The following BTAF1 variants were observed in gnomAD, a reference collection of about 807,000 sequenced individuals.
The protein encoded by BTAF1 is B-TFIID TATA-box binding protein associated factor 1, also known as TATA-binding protein-associated factor 172.
BTAF1 carries 38 observed loss-of-function variants against 227.1 expected under a neutral mutation model. That is an observed-to-expected ratio of 0.17 (90% CI 0.13 to 0.22). The LOEUF (loss-of-function observed/expected upper bound fraction) is 0.22, where lower values mean the gene tolerates loss of function less well. Among genes scored for constraint, BTAF1 ranks in the 10% least tolerant of loss-of-function variants. The pLI is 1.00. For missense variants in BTAF1, 1,598 were observed against 2,204.0 expected (o/e 0.73, Z 5.51); for synonymous variants, 742 against 751.9 (o/e 0.99, Z 0.21).
intron 8 of BTAF1, among the ~76,000 whole-genome samples, chr10:91,957,587 T>A (rs1014041177): frequency 6.6e-6 from 1 of 152,210 alleles, no homozygotes; most frequent in Non-Finnish European, 1.5e-5. Context: ...CCTTTGGAAG[T>A]GGACAATTTT....
At chr10:91,933,175 G>A (rs1457163432) in intron 1 of BTAF1, among the ~76,000 whole-genome samples, 1 of 152,198 alleles carries the variant, frequency 6.6e-6, no homozygotes, top group Non-Finnish European at 1.5e-5. Context: ...AGGTAAAATT[G>A]TGGAAACCAA....
At chr10:91,977,052 G>A (rs1252907259) in intron 14 of BTAF1, among the ~76,000 whole-genome samples, 1 of 152,164 alleles carries the variant, frequency 6.6e-6, no homozygotes, top group East Asian at 1.9e-4. Flanking sequence ...GGGAAAATAA[G>A]GGTAAGAGTC....
chr10:91,960,071 C>T lies in BTAF1; in HGVS notation c.1180C>T (p.Leu394=), dbSNP rs1413735987. ...ETGVHKTVDV[L]LKLLTQEQWE... is the part of the protein sequence containing the mutation. Reference sequence around the variant, plus strand: ...AGGAGTTCATAAGACTGTGGATGTGCTGCTAAAATTACTTACACAAGAACA... The same window carrying T: ...AGGAGTTCATAAGACTGTGGATGTGTTGCTAAAATTACTTACACAAGAACA... Residue 394 remains leucine (L), a synonymous_variant, in exon 11 of 38, where the codon CTG becomes TTG. Coordinates refer to ENST00000265990, the MANE Select transcript of BTAF1 (RefSeq NM_003972.3). 1 of 1,613,780 alleles carries T rather than the reference C, an allele frequency of 6.2e-7. No homozygotes were observed. Among genetic ancestry groups the T allele is most frequent in the Non-Finnish European group, 8.5e-7 (1 of 1,179,852 alleles).
chr10:91,996,287 T>C, intron 23 of BTAF1, 82 bp from the exon 24 acceptor site: 1 of 1,255,798 alleles, frequency 8.0e-7, no homozygotes, highest in Non-Finnish European at 1.1e-6. Flanking sequence ...TATTGAAAAC[T>C]TTCCTGAGTA....
intron 25 of BTAF1, among the ~76,000 whole-genome samples, chr10:92,004,585 A>G (rs889269200): frequency 6.6e-6 from 1 of 152,110 alleles, no homozygotes; most frequent in Non-Finnish European, 1.5e-5. Flanking sequence ...TTTCCACCCC[A>G]GCCTCCCAAG....
rs1341989377 is a variant in BTAF1 at position 92,029,090 on chromosome 10, A to G, written c.*157A>G. 6 of 607,132 alleles carry G rather than the reference A, an allele frequency of 9.9e-6. No individual in the cohort carries two copies. The highest frequency in any genetic ancestry group is 1.3e-5 in the Non-Finnish European group (5 of 379,078). 37.6% of individuals were successfully genotyped at this position (607,132 alleles called of 1,614,324 possible). A position where few individuals can be genotyped will look rare whatever the true frequency, so the allele number is the denominator to read the frequency against. ...GGCTCTTGTTTCACTGGGGGAAACA[A>G]GTTATTCTCAAATATTTGCACTGTA... On this transcript the variant is annotated 3_prime_UTR_variant, in exon 38 of 38. Transcript: ENST00000265990.
intron 19 of BTAF1, among the ~76,000 whole-genome samples, chr10:91,987,575 T>G (rs1848492499): frequency 6.6e-6 from 1 of 152,158 alleles, no homozygotes; most frequent in South Asian, 2.1e-4. Flanking sequence ...AGGTCCTGAC[T>G]CATCTCTAGG....
intron 1 of BTAF1, 145 bp downstream of exon 1, chr10:91,924,235 T>A: frequency 8.5e-7 from 1 of 1,170,132 alleles, no homozygotes; most frequent in South Asian, 1.7e-5. Flanking sequence ...GTTCGCCCCG[T>A]GGTCGGCGGG....
chr10:91,936,824 A>T (rs1844644626), intron 2 of BTAF1, among the ~76,000 whole-genome samples: 1 of 152,184 alleles, frequency 6.6e-6, no homozygotes. Flanking sequence ...AACAGGCCTC[A>T]TCTGTGCTGA....
chr10:91,983,733 G>C (rs1453644906), intron 18 of BTAF1, among the ~76,000 whole-genome samples: 1 of 152,214 alleles, frequency 6.6e-6, no homozygotes, highest in East Asian at 1.9e-4. Flanking sequence ...CAACCAGAGA[G>C]AGTGGGAAGG....
intron 3 of BTAF1, 24 bp downstream of exon 3, chr10:91,940,090 T>A (rs755413331): frequency 6.7e-7 from 1 of 1,500,124 alleles, no homozygotes; most frequent in Non-Finnish European, 9.2e-7. Flanking sequence ...GAGAAAGTAG[T>A]TTTAAGTAAA....
At chr10:92,020,497 A>G (rs1851051254) in intron 34 of BTAF1, among the ~76,000 whole-genome samples, 1 of 152,216 alleles carries the variant, frequency 6.6e-6, no homozygotes. Context: ...ATTCTGGCCT[A>G]AAGCTCATTG....
At chr10:91,946,474 T>G (rs546285672) in intron 4 of BTAF1, among the ~76,000 whole-genome samples, 6 of 152,402 alleles carry the variant, frequency 3.9e-5, no homozygotes, top group African/African-American at 1.4e-4. Context: ...CTGGCTCATA[T>G]GGTAACTGTA....
chr10:92,022,169 C>T (rs833368), intron 34 of BTAF1, among the ~76,000 whole-genome samples: 90,177 of 152,056 alleles, frequency 0.59, 30,461 homozygotes, highest in East Asian at 0.77. Context: ...GAGATACTTA[C>T]GTCAAATGAT....
Position 91,957,674 on chromosome 10 carries a change from A to G in BTAF1, c.900+381A>G, listed in dbSNP as rs1057334484. ...TTAGAGAACATCTTGAACAGTTCCCAATGTGTAGAAGAGAAGAGTGAAGTT... is the reference window on the plus strand; with the variant it reads ...TTAGAGAACATCTTGAACAGTTCCCGATGTGTAGAAGAGAAGAGTGAAGTT... On this transcript the variant is annotated intron_variant, in intron 8 of 37. Coordinates refer to ENST00000265990, the MANE Select transcript of BTAF1 (RefSeq NM_003972.3). Among the ~76,000 whole-genome samples the G allele has an allele frequency of 3.3e-5, 5 of 152,184 alleles. No individual in the cohort carries two copies. In the East Asian group the frequency reaches 9.6e-4, roughly 29 times the overall value.
At chr10:92,003,061 C>T (rs1049595513) in intron 25 of BTAF1, among the ~76,000 whole-genome samples, 2 of 150,916 alleles carry the variant, frequency 1.3e-5, no homozygotes, top group Non-Finnish European at 2.9e-5. Context: ...GGAGGCTAGG[C>T]AGGAGAATCG....
chr10:91,959,981 G>A lies in BTAF1; in HGVS notation c.1090G>A (p.Val364Met), dbSNP rs1276764977. ...RFGDFVSDEVVAPVRETCAQT... is the reference protein window; with the variant it reads ...RFGDFVSDEVMAPVRETCAQT... Reference sequence around the variant, plus strand: ...TTTCTTCCTTTTTCGTCTGTAGGTTGTGGCACCAGTTCGTGAAACTTGTGC... The same window carrying A: ...TTTCTTCCTTTTTCGTCTGTAGGTTATGGCACCAGTTCGTGAAACTTGTGC... Residue 364 changes from valine (V) to methionine (M), a missense_variant, in exon 11 of 38, where the codon GTG becomes ATG. Val to Met is a conservative substitution (Grantham distance 21). Coordinates refer to ENST00000265990, the MANE Select transcript of BTAF1 (RefSeq NM_003972.3). 1 of 1,608,396 alleles carries A rather than the reference G, an allele frequency of 6.2e-7. No individual in the cohort carries two copies. The highest frequency in any genetic ancestry group is 8.5e-7 in the Non-Finnish European group (1 of 1,177,474).
At position 91,923,843 on chromosome 10, in the gene BTAF1, A is replaced by T. The variant is rs1490604802; in HGVS notation, c.-234A>T. On this transcript the variant is annotated 5_prime_UTR_variant, in exon 1 of 38. Coordinates refer to ENST00000265990, the MANE Select transcript of BTAF1 (RefSeq NM_003972.3). ...CCCGGTTTGAAGTCGTGCGGGTCGG[A>T]GGACTGCCGCCTCCGCTACCGTCTT... 4 of 451,806 alleles carry T rather than the reference A, an allele frequency of 8.9e-6. No homozygotes were observed. Among genetic ancestry groups the T allele is most frequent in the East Asian group, 7.2e-5 (2 of 27,850 alleles). 28.0% of individuals were successfully genotyped at this position (451,806 alleles called of 1,614,324 possible). A position where few individuals can be genotyped will look rare whatever the true frequency, so the allele number is the denominator to read the frequency against.
In BTAF1 at chr10:91,991,279, T is replaced by TATATATATATATATATATATAAAA. The variant is rs1256838673; in HGVS notation, c.2855-827_2855-826insTATATATAAAAATATATATATATA. Among the ~76,000 whole-genome samples, 23 of 98,436 alleles carry TATATATATATATATATATATAAAA rather than the reference T, an allele frequency of 2.3e-4. 1 individual carries two copies. Among genetic ancestry groups the TATATATATATATATATATATAAAA allele is most frequent in the South Asian group, 1.1e-3 (3 of 2,734 alleles). The allele number at this position is 98,436 out of a possible 152,430, so 64.6% of individuals were successfully genotyped here. ...ATATAAATATAAATATAAATATATA[T>TATATATATATATATATATATAAAA]ATATATATATATAAATTATCCGGAC... On this transcript the variant is annotated intron_variant, in intron 20 of 37. Transcript: ENST00000265990.
Sources: gnomAD v4.1 joint callset for allele counts (sites outside exome capture counted in the v4.1 genomes callset) on GRCh38, gnomAD v4.1.1 for gene constraint, MANE v1.5 for transcripts, NCBI Gene and HGNC (gene_info 2026-07-23, HGNC 2026-07-21) for gene names.